APOBEC3A: variants seen among roughly 807,000 people sequenced by gnomAD.
The protein encoded by APOBEC3A is DNA dC->dU-editing enzyme APOBEC-3A.
APOBEC3A carries 13 observed loss-of-function variants against 23.0 expected under a neutral mutation model. The observed-to-expected ratio is 0.57, with a 90% CI of 0.37 to 0.90. The LOEUF is 0.90. APOBEC3A is among the 40% of genes least tolerant of loss of function. APOBEC3A has a pLI of 0.01. For missense variants in APOBEC3A, 179 were observed against 264.9 expected, an observed-to-expected ratio of 0.68 and a Z score of 2.25; for synonymous variants, 74 against 101.3, an observed-to-expected ratio of 0.73 and a Z score of 1.62.
chr22:38,957,766 T>C (rs1280196182), intron 1 of APOBEC3A, 46 bp downstream of exon 1: 2 of 1,594,768 alleles, frequency 1.3e-6, no homozygotes, highest in East Asian at 2.3e-5. Context: ...GCCTCCTCTT[T>C]GAGCTTTTCT....
intron 1 of APOBEC3A, among the ~76,000 whole-genome samples, chr22:38,959,198 G>C (rs1476546613): frequency 6.6e-6 from 1 of 152,216 alleles, no homozygotes; most frequent in Non-Finnish European, 1.5e-5. Flanking sequence ...ATCTCCAGCA[G>C]GGGCTGTGGG....
chr22:38,960,459 C>T lies in APOBEC3A; in HGVS notation c.174+773C>T, dbSNP rs183724359. Among the ~76,000 whole-genome samples the T allele has an allele frequency of 1.3e-3, 201 of 152,336 alleles. 1 individual carries two copies. Among genetic ancestry groups the T allele is most frequent in the African/African-American group, 4.6e-3 (191 of 41,564 alleles). ...ATGTCATCCACTCCACCCTGCATCA[C>T]TGCTGATGGAGTCCCTCCCTGTCTT... On this transcript the variant is annotated intron_variant, in intron 2 of 4. Coordinates refer to ENST00000249116, the MANE Select transcript of APOBEC3A (RefSeq NM_145699.4).
In APOBEC3A at chr22:38,957,684, A is replaced by T. The variant is rs924377115; in HGVS notation, c.-8A>T. ...GACACAGACCAGGAACCGAGAAGGG[A>T]CAAGCACATGGAAGCCAGCCCAGCA... On this transcript the variant is annotated 5_prime_UTR_variant, in exon 1 of 5. Coordinates refer to ENST00000249116, the MANE Select transcript of APOBEC3A (RefSeq NM_145699.4). 9.3e-6 allele frequency: 15 copies of T among 1,612,672 alleles called. No individual in the cohort carries two copies. The highest frequency in any genetic ancestry group is 4.0e-5 in the African/African-American group (3 of 74,896).
chr22:38,960,799 T>C (rs1193181099), intron 2 of APOBEC3A, among the ~76,000 whole-genome samples: 1 of 151,982 alleles, frequency 6.6e-6, no homozygotes, highest in African/African-American at 2.4e-5. Flanking sequence ...GTAGGGGAGT[T>C]GATGAGTAGA....
intron 1 of APOBEC3A, 139 bp from the exon 2 acceptor site, chr22:38,959,403 G>A: frequency 5.0e-6 from 5 of 998,386 alleles, no homozygotes; most frequent in South Asian, 1.6e-5. Context: ...AGAGGGGGAG[G>A]TTTGGAAGTG....
intron 1 of APOBEC3A, among the ~76,000 whole-genome samples, 194 bp downstream of exon 1, chr22:38,957,914 G>C (rs529719075): frequency 2.6e-5 from 4 of 152,246 alleles, no homozygotes; most frequent in Admixed American, 2.0e-4. Context: ...ACCAATTCCA[G>C]GTCTCCTTCC....
intron 1 of APOBEC3A, among the ~76,000 whole-genome samples, chr22:38,959,108 C>T (rs1382558888): frequency 6.6e-6 from 1 of 152,154 alleles, no homozygotes; most frequent in Non-Finnish European, 1.5e-5. Flanking sequence ...CCCCAGTCAT[C>T]CCCCTCAGGA....
At chr22:38,960,640 C>T (rs528485508) in intron 2 of APOBEC3A, among the ~76,000 whole-genome samples, 3 of 152,298 alleles carry the variant, frequency 2.0e-5, no homozygotes, top group Admixed American at 6.5e-5. Flanking sequence ...AGGGACCTTC[C>T]CACGTTGGAG....
chr22:38,958,775 C>T (rs1292317493), intron 1 of APOBEC3A, among the ~76,000 whole-genome samples: 5 of 129,890 alleles, frequency 3.8e-5, no homozygotes, highest in African/African-American at 1.5e-4. Context: ...CTTTCTCTTT[C>T]TTTCTTTCTT....
chr22:38,962,364 G>A (rs1922942657), intron 4 of APOBEC3A, 131 bp from the exon 5 acceptor site: 2 of 1,553,832 alleles, frequency 1.3e-6, no homozygotes, highest in Non-Finnish European at 1.7e-6. Flanking sequence ...CCTTCTCACA[G>A]CCTCCTTCTC....
intron 1 of APOBEC3A, among the ~76,000 whole-genome samples, chr22:38,959,139 G>C (rs1216449498): frequency 6.6e-6 from 1 of 152,150 alleles, no homozygotes; most frequent in Non-Finnish European, 1.5e-5. Flanking sequence ...CCCGATGCTC[G>C]GTGTGGTAGG....
chr22:38,962,063 C>A (rs767539779), intron 3 of APOBEC3A, 35 bp from the exon 4 acceptor site: 4 of 1,587,650 alleles, frequency 2.5e-6, no homozygotes, highest in South Asian at 1.1e-5. Flanking sequence ...GATCCCACAG[C>A]GGGAGCGTGA....
In APOBEC3A at chr22:38,962,219, G is replaced by A; in HGVS notation, c.585+6G>A. On this transcript the variant is annotated splice_donor_region_variant and intron_variant, in intron 4 of 4. Transcript: ENST00000249116. ...GGCTGCGGGCCATTCTCCAGGTGAG[G>A]GCTTCCTCCCTCTGCCCGGTGCCCC... The A allele has an allele frequency of 6.2e-7, 1 of 1,613,590 alleles. No homozygotes were observed. Among genetic ancestry groups the A allele is most frequent in the East Asian group, 2.2e-5 (1 of 44,864 alleles).
At chr22:38,958,399 C>CTCCG (rs1287563062) in intron 1 of APOBEC3A, among the ~76,000 whole-genome samples, 96 of 146,406 alleles carry the variant, frequency 6.6e-4, no homozygotes, top group Middle Eastern at 3.9e-3. Flanking sequence ...TCTTCCCTCC[C>CTCCG]TCCTTCCTTC....
chr22:38,962,029 G>A (rs1922917986), intron 3 of APOBEC3A, 69 bp from the exon 4 acceptor site: 4 of 1,553,196 alleles, frequency 2.6e-6, no homozygotes, highest in South Asian at 1.2e-5. Context: ...TGTCCTGAGA[G>A]TCATGGGCCC....
intron 1 of APOBEC3A, among the ~76,000 whole-genome samples, chr22:38,958,473 C>CTCTT (rs1049577668): frequency 6.8e-6 from 1 of 147,874 alleles, no homozygotes; most frequent in Non-Finnish European, 1.5e-5. Flanking sequence ...TCCTTCCTTT[C>CTCTT]TCTTTCTTTC....
chr22:38,962,271 C>G, intron 4 of APOBEC3A, 58 bp downstream of exon 4: 1 of 1,612,700 alleles, frequency 6.2e-7, no homozygotes, highest in South Asian at 1.1e-5. Context: ...TCCCCACTCC[C>G]CTGGGCCTTG....
At chr22:38,960,560 C>T (rs1300585820) in intron 2 of APOBEC3A, among the ~76,000 whole-genome samples, 2 of 152,198 alleles carry the variant, frequency 1.3e-5, no homozygotes, top group African/African-American at 4.8e-5. Context: ...GTGGAAAATC[C>T]TTTTCTCTGG....
intron 2 of APOBEC3A, 47 bp from the exon 3 acceptor site, chr22:38,961,340 C>G (rs1417950080): frequency 2.3e-6 from 2 of 878,388 alleles, no homozygotes; most frequent in Non-Finnish European, 3.5e-6. Context: ...CCAGGCGCTC[C>G]CTCCCTGTTC....
Sources: allele counts gnomAD v4.1 joint callset (sites outside exome capture counted in the v4.1 genomes callset), GRCh38; gene constraint gnomAD v4.1.1; transcripts MANE v1.5; gene names NCBI Gene and HGNC (gene_info 2026-07-23, HGNC 2026-07-21).